Variants in FRK observed in about 807,000 individuals in gnomAD.
FRK encodes the protein tyrosine-protein kinase FRK.
FRK carries 51 observed loss-of-function variants against 56.4 expected under a neutral mutation model. The ratio of observed to expected loss-of-function variants is 0.90; its 90% CI spans 0.72 to 1.14. The LOEUF (loss-of-function observed/expected upper bound fraction) is 1.14, where lower values mean the gene tolerates loss of function less well. FRK is among the 50% of genes most tolerant of loss of function. The pLI, the probability that FRK is intolerant of heterozygous loss-of-function variation, is 0.00. For missense variants in FRK, 570 were observed against 601.4 expected (o/e 0.95, Z 0.55); for synonymous variants, 245 against 217.9 (o/e 1.12, Z -1.10).
At chr6:115,986,545 T>G (rs1030500779) in intron 2 of FRK, among the ~76,000 whole-genome samples, 1 of 152,142 alleles carries the variant, frequency 6.6e-6, no homozygotes, top group Non-Finnish European at 1.5e-5. Flanking sequence ...TCACATCTAG[T>G]CATGTTAGCA....
chr6:116,070,174 G>C, the FRK span, among the ~76,000 whole-genome samples: 1 of 149,344 alleles, frequency 6.7e-6, no homozygotes, highest in South Asian at 2.1e-4. Context: ...ACTTGCTTTA[G>C]GTCACAGCTA....
At chr6:116,095,095 T>C in the FRK span, among the ~76,000 whole-genome samples, 1 of 152,216 alleles carries the variant, frequency 6.6e-6, no homozygotes, top group African/African-American at 2.4e-5. Flanking sequence ...AGCCTTTCTA[T>C]CAAAAATCCT....
At chr6:116,094,625 T>C in the FRK span, among the ~76,000 whole-genome samples, 1 of 152,142 alleles carries the variant, frequency 6.6e-6, no homozygotes, top group East Asian at 1.9e-4. Context: ...TTGCACGCAG[T>C]GCAAAAACCC....
chr6:116,031,938 A>G (rs1208260787), intron 1 of FRK, among the ~76,000 whole-genome samples: 1 of 152,080 alleles, frequency 6.6e-6, no homozygotes, highest in Non-Finnish European at 1.5e-5. Flanking sequence ...CAGACTTACA[A>G]TTATTTCTCA....
At chr6:116,065,525 T>C (rs1274470719), upstream of FRK, among the ~76,000 whole-genome samples, 2 of 152,208 alleles carry the variant, frequency 1.3e-5, no homozygotes, top group Non-Finnish European at 2.9e-5. Flanking sequence ...TGACCCCAAC[T>C]TCTCTCCCTT....
Position 116,060,129 on chromosome 6 carries a change from C to G in FRK, c.183G>C (p.Leu61Phe). 6.2e-7 allele frequency: 1 copy of G among 1,614,188 alleles called. No homozygotes were observed. Among genetic ancestry groups the G allele is most frequent in the Non-Finnish European group, 8.5e-7 (1 of 1,180,032 alleles). The change falls in exon 1 of 8, where the codon TTG becomes TTC. Residue 61 changes from leucine (L) to phenylalanine (F), a missense_variant. By Grantham distance (22) the Leu-to-Phe change is conservative. Coordinates refer to ENST00000606080, the MANE Select transcript of FRK (RefSeq NM_002031.3). ...FDYQARTAED[L>F]SFRAGDKLQV... ...GAAGTTTGTCACCTGCTCGGAAGCT[C>G]AAGTCCTCAGCAGTCCGAGCCTGGT...
the FRK span, among the ~76,000 whole-genome samples, chr6:116,090,413 T>C: frequency 2.0e-5 from 3 of 152,344 alleles, no homozygotes; most frequent in East Asian, 1.9e-4. Context: ...TCATAGTACA[T>C]ACATCTTCTT....
intron 2 of FRK, among the ~76,000 whole-genome samples, chr6:115,982,159 A>T (rs147538696): frequency 1.3e-5 from 2 of 152,258 alleles, no homozygotes; most frequent in Non-Finnish European, 2.9e-5. Flanking sequence ...AGAACAAAAA[A>T]GGTAGGATGG....
intron 1 of FRK, among the ~76,000 whole-genome samples, chr6:116,009,559 A>C (rs1395151782): frequency 6.6e-6 from 1 of 152,234 alleles, no homozygotes; most frequent in Non-Finnish European, 1.5e-5. Flanking sequence ...CACACAGTTT[A>C]TTGATATTTT....
At chr6:116,089,668 A>G in the FRK span, among the ~76,000 whole-genome samples, 1 of 152,076 alleles carries the variant, frequency 6.6e-6, no homozygotes, top group Non-Finnish European at 1.5e-5. Context: ...CTGTATCTTT[A>G]TGTGTCTAAT....
chr6:116,042,744 T>G (rs1286020067), intron 1 of FRK, among the ~76,000 whole-genome samples: 1 of 152,000 alleles, frequency 6.6e-6, no homozygotes. Context: ...AATATTAACC[T>G]TAAATGTAAA....
chr6:115,978,719 A>C (rs1774081398), intron 2 of FRK, among the ~76,000 whole-genome samples: 1 of 152,136 alleles, frequency 6.6e-6, no homozygotes, highest in Non-Finnish European at 1.5e-5. Flanking sequence ...TTGTGCTACC[A>C]CTTGTAGCAC....
At chr6:115,991,896 G>A (rs1774623616) in intron 2 of FRK, among the ~76,000 whole-genome samples, 1 of 151,472 alleles carries the variant, frequency 6.6e-6, no homozygotes, top group Admixed American at 6.6e-5. Context: ...AATCTGTCTG[G>A]TCCTGGGATT....
chr6:116,087,996 C>T, the FRK span, among the ~76,000 whole-genome samples: 2 of 152,294 alleles, frequency 1.3e-5, no homozygotes, highest in East Asian at 3.9e-4. Context: ...GAGTGGATAA[C>T]CCTCAATCAT....
intron 2 of FRK, among the ~76,000 whole-genome samples, chr6:115,982,386 T>C (rs1339281558): frequency 1.3e-5 from 2 of 152,144 alleles, no homozygotes; most frequent in South Asian, 4.1e-4. Context: ...TCCACAATTT[T>C]GTGAGCCAAT....
rs2114514796 is a variant in FRK at position 115,944,422 on chromosome 6, T to C, written c.962A>G (p.Asp321Gly). ...HGSLQEYLQN[D>G]TGSKIHLTQQ... Reference sequence around the variant, plus strand: ...AGTCAGATGGATTTTTGATCCAGTGTCATCTAAGTAATAAGAGAAAAGTAA... The same window carrying C: ...AGTCAGATGGATTTTTGATCCAGTGCCATCTAAGTAATAAGAGAAAAGTAA... Residue 321 changes from aspartate to glycine, a missense_variant, in exon 6 of 8, where the codon GAC becomes GGC. Transcript: ENST00000606080. 1 of 1,593,886 alleles carries C rather than the reference T, an allele frequency of 6.3e-7. No homozygotes were observed. The highest frequency in any genetic ancestry group is 2.2e-5 in the East Asian group (1 of 44,778).
Position 115,942,095 on chromosome 6 carries a change from T to C in FRK, c.*319A>G, listed in dbSNP as rs1165292810. ...CAGTCACTGAGTAAAAATTGGACTA[T>C]CATCTGTTGATTCTCTTGATCGACA... is the stretch of plus-strand genomic sequence containing the variant. On this transcript the variant is annotated 3_prime_UTR_variant, in exon 8 of 8. Coordinates refer to ENST00000606080, the MANE Select transcript of FRK (RefSeq NM_002031.3). 3.8e-5 allele frequency: 10 copies of C among 261,072 alleles called. No homozygotes were observed. Among genetic ancestry groups the C allele is most frequent in the African/African-American group, 2.3e-4 (10 of 43,666 alleles). 16.2% of individuals were successfully genotyped at this position (261,072 alleles called of 1,614,324 possible). A position where few individuals can be genotyped will look rare whatever the true frequency, so the allele number is the denominator to read the frequency against.
At chr6:116,063,557 G>C (rs566243127), upstream of FRK, among the ~76,000 whole-genome samples, 66 of 152,202 alleles carry the variant, frequency 4.3e-4, 1 homozygote, top group African/African-American at 1.6e-3. Context: ...CCGGAAGCTG[G>C]GGAATCAGGG....
chr6:116,074,416 C>T, the FRK span, among the ~76,000 whole-genome samples: 2 of 152,088 alleles, frequency 1.3e-5, no homozygotes, highest in African/African-American at 4.8e-5. Flanking sequence ...ATGAAATATG[C>T]CATGCTTCTT....
Sources: gnomAD v4.1 joint callset for allele counts (sites outside exome capture counted in the v4.1 genomes callset) on GRCh38, gnomAD v4.1.1 for gene constraint, MANE v1.5 for transcripts, NCBI Gene and HGNC (gene_info 2026-07-23, HGNC 2026-07-21) for gene names.